Variants in PREX2 observed in about 807,000 individuals in gnomAD.
The protein encoded by PREX2 is phosphatidylinositol 3,4,5-trisphosphate-dependent Rac exchanger 2 protein.
A neutral mutation model predicts 203.2 loss-of-function variants in PREX2; 107 were observed. That is an observed-to-expected ratio of 0.53 (90% CI 0.45 to 0.62). PREX2 has a LOEUF of 0.62. Ranked by LOEUF, PREX2 falls within the 20% of genes least tolerant of loss-of-function variation. PREX2 has a pLI of 0.00. For synonymous variants in PREX2, 672 were observed against 663.6 expected (o/e 1.01, Z -0.19); for missense variants, 1,777 against 1,955.9 (o/e 0.91, Z 1.72).
chr8:68,086,744 T>A (rs1175416214), intron 18 of PREX2, among the ~76,000 whole-genome samples: 4 of 152,292 alleles, frequency 2.6e-5, no homozygotes, highest in Non-Finnish European at 4.4e-5. Context: ...CTCTTCATAA[T>A]CTTTTTTCTT....
intron 1 of PREX2, among the ~76,000 whole-genome samples, chr8:68,008,671 T>C (rs771516349): frequency 6.6e-6 from 1 of 152,188 alleles, no homozygotes. Flanking sequence ...CCATGTGTTA[T>C]GGGAGGGACC....
chr8:68,141,210 T>C (rs1811223367), intron 33 of PREX2, among the ~76,000 whole-genome samples: 1 of 152,198 alleles, frequency 6.6e-6, no homozygotes, highest in Non-Finnish European at 1.5e-5. Flanking sequence ...TACATTTATT[T>C]TGTGGAAAAT....
At chr8:67,988,004 A>G (rs890621241) in intron 1 of PREX2, among the ~76,000 whole-genome samples, 7 of 152,216 alleles carry the variant, frequency 4.6e-5, no homozygotes, top group African/African-American at 1.7e-4. Context: ...ATGCAAAGAT[A>G]GTTTTTCAGT....
At chr8:68,131,365 C>G (rs1256720245) in intron 31 of PREX2, among the ~76,000 whole-genome samples, 1 of 152,202 alleles carries the variant, frequency 6.6e-6, no homozygotes, top group African/African-American at 2.4e-5. Flanking sequence ...TTCATCTACT[C>G]TCTGCTGAAA....
chr8:67,952,642 CG>C, intron 1 of PREX2, 107 bp downstream of exon 1: 1 of 1,457,964 alleles, frequency 6.9e-7, no homozygotes, highest in Non-Finnish European at 9.4e-7. Context: ...GGACCCGGGA[CG>C]GGTCGGGGCA....
intron 25 of PREX2, chr8:68,114,330 A>G (rs920072676): frequency 9.9e-6 from 5 of 506,708 alleles, no homozygotes; most frequent in African/African-American, 1.9e-5. Flanking sequence ...GTCTTGAAAT[A>G]ACAAACATTA....
At chr8:67,989,633 A>G (rs1320855374) in intron 1 of PREX2, among the ~76,000 whole-genome samples, 1 of 152,212 alleles carries the variant, frequency 6.6e-6, no homozygotes, top group Non-Finnish European at 1.5e-5. Flanking sequence ...TAGAAAGTTT[A>G]TGACTTTACC....
chr8:68,060,402 A>G (rs1006155624), intron 10 of PREX2, among the ~76,000 whole-genome samples: 1 of 152,134 alleles, frequency 6.6e-6, no homozygotes, highest in Non-Finnish European at 1.5e-5. Flanking sequence ...TAAAATTTTC[A>G]CTTTGTGTTT....
chr8:68,123,421 A>G (rs1442642346), intron 30 of PREX2, among the ~76,000 whole-genome samples: 2 of 152,060 alleles, frequency 1.3e-5, no homozygotes, highest in East Asian at 3.9e-4. Flanking sequence ...GATACAAAAA[A>G]CCATTTAAAA....
chr8:67,986,240 TC>T (rs1395284331), intron 1 of PREX2, among the ~76,000 whole-genome samples: 3 of 152,194 alleles, frequency 2.0e-5, no homozygotes, highest in African/African-American at 7.2e-5. Context: ...TCCACCGTAA[TC>T]CCAGAGAGTA....
intron 2 of PREX2, among the ~76,000 whole-genome samples, chr8:68,018,717 G>A (rs1337446074): frequency 1.3e-5 from 2 of 151,478 alleles, no homozygotes; most frequent in African/African-American, 2.4e-5. Context: ...GGAAAACTGT[G>A]AACAGTCTTG....
At chr8:68,166,209 C>A (rs117186062) in intron 35 of PREX2, among the ~76,000 whole-genome samples, 3,575 of 152,166 alleles carry the variant, frequency 0.023, 61 homozygotes, top group South Asian at 0.06. Context: ...GACCTTTGAC[C>A]AAAGACTGGG....
At chr8:68,044,132 A>G (rs1241756147) in intron 7 of PREX2, among the ~76,000 whole-genome samples, 1 of 152,116 alleles carries the variant, frequency 6.6e-6, no homozygotes, top group African/African-American at 2.4e-5. Context: ...TGAAGGTGAA[A>G]GAAACTCAAA....
intron 11 of PREX2, among the ~76,000 whole-genome samples, chr8:68,063,031 T>C (rs1258337514): frequency 1.3e-5 from 2 of 152,174 alleles, no homozygotes; most frequent in African/African-American, 4.8e-5. Context: ...TTGCGCTTGT[T>C]TCATTAGCAT....
At chr8:68,149,805 G>A (rs1013720974) in intron 34 of PREX2, among the ~76,000 whole-genome samples, 1 of 152,170 alleles carries the variant, frequency 6.6e-6, no homozygotes, top group African/African-American at 2.4e-5. Context: ...AAGCTTTCCA[G>A]GTGATTCTGG....
intron 31 of PREX2, among the ~76,000 whole-genome samples, chr8:68,131,602 G>C (rs1459291151): frequency 6.6e-6 from 1 of 152,172 alleles, no homozygotes; most frequent in African/African-American, 2.4e-5. Context: ...GTTCTGATTT[G>C]ATAAAGAGGT....
At chr8:68,089,639 G>T (rs1809807334) in intron 19 of PREX2, among the ~76,000 whole-genome samples, 1 of 152,144 alleles carries the variant, frequency 6.6e-6, no homozygotes, top group African/African-American at 2.4e-5. Context: ...TCAATTCAAT[G>T]CAGAAAGCCA....
chr8:68,101,973 T>C (rs1810276961), intron 23 of PREX2, among the ~76,000 whole-genome samples: 1 of 152,280 alleles, frequency 6.6e-6, no homozygotes, highest in East Asian at 1.9e-4. Flanking sequence ...CAGGCTTAAA[T>C]AAATGTCGGA....
intron 35 of PREX2, chr8:68,176,725 A>C (rs1811987033): frequency 6.6e-6 from 1 of 152,140 alleles, no homozygotes; most frequent in South Asian, 2.1e-4. Context: ...AGCTTTCGTG[A>C]GTTTTTCGGC....
Sources: allele counts gnomAD v4.1 joint callset (sites outside exome capture counted in the v4.1 genomes callset), GRCh38; gene constraint gnomAD v4.1.1; transcripts MANE v1.5; gene names NCBI Gene and HGNC (gene_info 2026-07-23, HGNC 2026-07-21).